Variants in DRC8 observed in about 807,000 individuals in gnomAD.
The protein encoded by DRC8 is dynein regulatory complex protein 8.
the DRC8 span, among the ~76,000 whole-genome samples, chr1:245,110,925 G>A: frequency 6.6e-6 from 1 of 152,108 alleles, no homozygotes; most frequent in Non-Finnish European, 1.5e-5. Flanking sequence ...AAAATGGGAG[G>A]AAAGAAAGCT....
At chr1:245,069,328 G>A in the DRC8 span, among the ~76,000 whole-genome samples, 5 of 152,126 alleles carry the variant, frequency 3.3e-5, no homozygotes, top group Non-Finnish European at 5.9e-5. Flanking sequence ...TCATAAGGAA[G>A]CAAAAATATA....
chr1:244,989,850 T>A, the DRC8 span, among the ~76,000 whole-genome samples: 1 of 152,234 alleles, frequency 6.6e-6, no homozygotes, highest in Non-Finnish European at 1.5e-5. Context: ...GTGGTTTTAG[T>A]TAACTAAGGT....
At chr1:245,057,828 A>G in the DRC8 span, among the ~76,000 whole-genome samples, 1 of 152,138 alleles carries the variant, frequency 6.6e-6, no homozygotes, top group Non-Finnish European at 1.5e-5. Context: ...TATTTTGAAA[A>G]TAGAATAAAT....
the DRC8 span, among the ~76,000 whole-genome samples, chr1:244,990,191 C>G: frequency 6.6e-6 from 1 of 152,220 alleles, no homozygotes; most frequent in Non-Finnish European, 1.5e-5. Context: ...TTCATCTCAT[C>G]ACGTGGGCAT....
At chr1:245,024,680 T>C in the DRC8 span, among the ~76,000 whole-genome samples, 1 of 151,938 alleles carries the variant, frequency 6.6e-6, no homozygotes, top group Non-Finnish European at 1.5e-5. Context: ...CCTGAGAAGC[T>C]GGGATCACAG....
At chr1:245,083,544 C>T in the DRC8 span, 8 of 1,579,558 alleles carry the variant, frequency 5.1e-6, no homozygotes, top group Non-Finnish European at 6.9e-6. Context: ...TTTACATACA[C>T]ACATATATGA....
chr1:245,034,490 A>G, the DRC8 span, among the ~76,000 whole-genome samples: 1 of 150,372 alleles, frequency 6.7e-6, no homozygotes, highest in Middle Eastern at 3.4e-3. Flanking sequence ...AATCCCATCT[A>G]CTTGGGAGGC....
chr1:245,104,626 C>G, the DRC8 span, among the ~76,000 whole-genome samples: 1 of 152,182 alleles, frequency 6.6e-6, no homozygotes, highest in Non-Finnish European at 1.5e-5. Context: ...GTTTCCCTCA[C>G]CTCCATCCTC....
At chr1:245,055,940 G>C in the DRC8 span, among the ~76,000 whole-genome samples, 2 of 152,180 alleles carry the variant, frequency 1.3e-5, no homozygotes, top group African/African-American at 2.4e-5. Flanking sequence ...TGCTGCCCAG[G>C]TGGAGTGCAG....
the DRC8 span, among the ~76,000 whole-genome samples, chr1:245,010,857 A>G: frequency 6.6e-6 from 1 of 151,292 alleles, no homozygotes. Context: ...AATTTTTTGC[A>G]TTTTTAGTAG....
the DRC8 span, among the ~76,000 whole-genome samples, chr1:245,092,086 C>G: frequency 1.3e-5 from 2 of 152,234 alleles, no homozygotes; most frequent in Non-Finnish European, 2.9e-5. Flanking sequence ...ATCTTGTGCT[C>G]TGATCCCAGC....
chr1:245,110,196 A>G, the DRC8 span, among the ~76,000 whole-genome samples: 1 of 152,158 alleles, frequency 6.6e-6, no homozygotes, highest in Non-Finnish European at 1.5e-5. Flanking sequence ...CAGCCTGGCC[A>G]ACATGGTGAA....
the DRC8 span, among the ~76,000 whole-genome samples, chr1:245,117,892 C>T: frequency 6.6e-6 from 1 of 151,936 alleles, no homozygotes; most frequent in Non-Finnish European, 1.5e-5. Flanking sequence ...TTGCTTGAAC[C>T]CAGAGGTGGA....
At chr1:244,980,040 T>TGAAAAA in the DRC8 span, among the ~76,000 whole-genome samples, 1 of 34,758 alleles carries the variant, frequency 2.9e-5, no homozygotes, top group African/African-American at 1.4e-4. Context: ...CCGTCTCTAC[T>TGAAAAA]AAAAAAAAAA....
the DRC8 span, among the ~76,000 whole-genome samples, chr1:245,084,378 C>G: frequency 1.3e-5 from 2 of 152,102 alleles, no homozygotes; most frequent in Non-Finnish European, 2.9e-5. Flanking sequence ...AAGAGCTTTT[C>G]TGTCAGTGAA....
the DRC8 span, among the ~76,000 whole-genome samples, chr1:245,038,743 T>C: frequency 6.6e-6 from 1 of 152,156 alleles, no homozygotes; most frequent in South Asian, 2.1e-4. Flanking sequence ...AACAAGTATC[T>C]AGGTTTAAAA....
the DRC8 span, among the ~76,000 whole-genome samples, chr1:245,084,076 GC>G: frequency 1.9e-5 from 1 of 52,032 alleles, no homozygotes; most frequent in Non-Finnish European, 4.4e-5. Context: ...CCCCCCCGGC[GC>G]CCCGGCTTTT....
chr1:245,081,865 ATGTC>A, the DRC8 span, among the ~76,000 whole-genome samples: 5 of 152,316 alleles, frequency 3.3e-5, no homozygotes, highest in East Asian at 9.6e-4. Flanking sequence ...TTCTTGATTA[ATGTC>A]TGTCTCCCTG....
At chr1:245,020,163 T>G in the DRC8 span, among the ~76,000 whole-genome samples, 1 of 152,290 alleles carries the variant, frequency 6.6e-6, no homozygotes, top group African/African-American at 2.4e-5. Context: ...CTGAGAGGTC[T>G]AGGTCTTAGA....
Sources: allele counts gnomAD v4.1 joint callset (sites outside exome capture counted in the v4.1 genomes callset), GRCh38; gene constraint gnomAD v4.1.1; transcripts MANE v1.5; gene names NCBI Gene and HGNC (gene_info 2026-07-23, HGNC 2026-07-21).